The following TULP4 variants were observed in gnomAD, a reference collection of about 807,000 sequenced individuals.
TULP4 encodes TUB like protein 4.
Under a neutral mutation model 129.0 loss-of-function variants are expected in TULP4, and 16 were observed. That is an observed-to-expected ratio of 0.12 (90% confidence interval 0.08 to 0.19). TULP4 has a LOEUF of 0.19. Ranked by LOEUF, TULP4 falls within the 10% of genes least tolerant of loss-of-function variation. The pLI, the probability that TULP4 is intolerant of heterozygous loss-of-function variation, is 1.00. For synonymous variants in TULP4, 998 were observed against 854.0 expected (o/e 1.17, Z -2.94); for missense variants, 1,842 against 2,059.1 (o/e 0.89, Z 2.04).
intron 13 of TULP4, among the ~76,000 whole-genome samples, chr6:158,506,377 G>A (rs375692041): frequency 7.1e-4 from 107 of 151,644 alleles, no homozygotes; most frequent in African/African-American, 2.4e-3. Context: ...GACTACAGGC[G>A]CCCGCCACCA....
chr6:158,372,408 C>T (rs1178739304), intron 1 of TULP4, among the ~76,000 whole-genome samples: 2 of 151,708 alleles, frequency 1.3e-5, no homozygotes, highest in Non-Finnish European at 2.9e-5. Context: ...AACATTGAAC[C>T]ACAAGACTTA....
At chr6:158,450,592 C>T (rs62438578) in intron 4 of TULP4, among the ~76,000 whole-genome samples, 24,871 of 151,990 alleles carry the variant, frequency 0.16, 2,646 homozygotes, top group Middle Eastern at 0.25. Context: ...AATTAACCAT[C>T]CCCTTTCCTA....
intron 1 of TULP4, chr6:158,397,889 T>C (rs1777755207): frequency 6.6e-6 from 1 of 152,260 alleles, no homozygotes; most frequent in Non-Finnish European, 1.5e-5. Context: ...ATTTACCTGT[T>C]CCTGGGGCTG....
chr6:158,487,107 G>A (rs544938534), intron 8 of TULP4, among the ~76,000 whole-genome samples: 1 of 152,008 alleles, frequency 6.6e-6, no homozygotes, highest in Admixed American at 6.6e-5. Flanking sequence ...AATTAGCTGG[G>A]TGTGGTGGCA....
At chr6:158,252,048 T>C (rs1377197395) in intron 1 of TULP4, among the ~76,000 whole-genome samples, 1 of 152,236 alleles carries the variant, frequency 6.6e-6, no homozygotes, top group Non-Finnish European at 1.5e-5. Context: ...AAGGAGATTC[T>C]GAATGTGAGT....
intron 1 of TULP4, chr6:158,237,668 A>G (rs1256007130): frequency 8.2e-7 from 1 of 1,221,160 alleles, no homozygotes; most frequent in Admixed American, 1.8e-5. Context: ...TTCTTAGGCA[A>G]TTTTCCCTTC....
intron 1 of TULP4, among the ~76,000 whole-genome samples, chr6:158,299,991 AG>A (rs1246239650): frequency 2.0e-5 from 3 of 152,220 alleles, no homozygotes; most frequent in Non-Finnish European, 4.4e-5. Context: ...AAAGGGAATT[AG>A]GAGAAGTGGG....
intron 1 of TULP4, among the ~76,000 whole-genome samples, chr6:158,245,646 T>C (rs1778015927): frequency 6.6e-6 from 1 of 152,124 alleles, no homozygotes. Context: ...ATGTACATAG[T>C]AAAGAATAGG....
chr6:158,303,409 T>A (rs549189238), intron 1 of TULP4, among the ~76,000 whole-genome samples: 2 of 152,156 alleles, frequency 1.3e-5, no homozygotes, highest in East Asian at 3.9e-4. Context: ...TATTAAGGAT[T>A]TCAAAAGGGG....
chr6:158,371,108 G>A (rs995811027), intron 1 of TULP4, among the ~76,000 whole-genome samples: 3 of 152,142 alleles, frequency 2.0e-5, no homozygotes, highest in African/African-American at 7.2e-5. Context: ...TCATGGAGTG[G>A]GATCATGACC....
chr6:158,241,824 AC>A lies in TULP4; in HGVS notation n.68+9523del, dbSNP rs1777923218. On this transcript the variant is annotated intron_variant and non_coding_transcript_variant, in intron 1 of 1. Transcript: ENST00000620026. ...TGGCCAGGCTGGTCTCGAACTCCTG[AC>A]CTTGTGATCTGCCTGCCTCCGCCTC... 9.5e-5 allele frequency: 55 copies of A among 577,214 alleles called. 1 individual carries two copies. The highest frequency in any genetic ancestry group is 8.7e-4 in the South Asian group (52 of 60,056). The allele number at this position is 577,214 out of a possible 1,614,324, so 35.8% of individuals were successfully genotyped here.
chr6:158,248,320 A>G (rs1778069893), intron 1 of TULP4, among the ~76,000 whole-genome samples: 1 of 151,480 alleles, frequency 6.6e-6, no homozygotes, highest in Non-Finnish European at 1.5e-5. Context: ...CCCAGGCTGG[A>G]GTGCAGTGGC....
At chr6:158,355,154 C>T (rs543599253) in intron 1 of TULP4, among the ~76,000 whole-genome samples, 4 of 151,834 alleles carry the variant, frequency 2.6e-5, no homozygotes, top group African/African-American at 9.7e-5. Context: ...TCACTGTAAC[C>T]TAGAACTCCT....
At chr6:158,311,800 T>G (rs1262507649), upstream of TULP4, among the ~76,000 whole-genome samples, 2 of 152,182 alleles carry the variant, frequency 1.3e-5, no homozygotes, top group Non-Finnish European at 2.9e-5. Context: ...CATTCAGATG[T>G]GCCCAGCTGC....
intron 1 of TULP4, among the ~76,000 whole-genome samples, chr6:158,374,751 G>C (rs1490413833): frequency 6.6e-6 from 1 of 152,112 alleles, no homozygotes; most frequent in Non-Finnish European, 1.5e-5. Flanking sequence ...AAGAGTTCCT[G>C]GTTTCAGCTT....
chr6:158,401,300 C>T (rs1777842668), intron 1 of TULP4, among the ~76,000 whole-genome samples: 1 of 152,152 alleles, frequency 6.6e-6, no homozygotes, highest in Admixed American at 6.5e-5. Context: ...TCTCGAACTC[C>T]TGGGCTCAAG....
intron 1 of TULP4, among the ~76,000 whole-genome samples, chr6:158,343,270 C>G (rs1313286123): frequency 2.6e-5 from 4 of 152,112 alleles, no homozygotes; most frequent in Admixed American, 1.3e-4. Flanking sequence ...GAAACTGTGT[C>G]CAAAATGGTG....
intron 1 of TULP4, among the ~76,000 whole-genome samples, chr6:158,337,118 C>CTTTT (rs1652244105): frequency 1.0e-5 from 1 of 96,728 alleles, no homozygotes; most frequent in African/African-American, 4.0e-5. Context: ...CTCTCTCTCT[C>CTTTT]TTTCTTTCTC....
At chr6:158,338,463 A>C (rs921234010) in intron 1 of TULP4, among the ~76,000 whole-genome samples, 2 of 152,224 alleles carry the variant, frequency 1.3e-5, no homozygotes, top group African/African-American at 4.8e-5. Context: ...AGCTTATTGA[A>C]GTGCATGTCT....
Sources: allele counts gnomAD v4.1 joint callset (sites outside exome capture counted in the v4.1 genomes callset), GRCh38; gene constraint gnomAD v4.1.1; transcripts MANE v1.5; gene names NCBI Gene and HGNC (gene_info 2026-07-23, HGNC 2026-07-21).